Variants in TBCK observed in about 807,000 individuals in gnomAD.
TBCK encodes the protein TBC1 domain containing kinase, also known as TBC domain-containing protein kinase-like protein.
A neutral mutation model predicts 113.4 loss-of-function variants in TBCK; 99 were observed. The ratio of observed to expected loss-of-function variants is 0.87; its 90% CI spans 0.74 to 1.03. The LOEUF (loss-of-function observed/expected upper bound fraction) is 1.03, where lower values mean the gene tolerates loss of function less well. Among genes scored for constraint, TBCK ranks in the 50% least tolerant of loss-of-function variants. TBCK has a pLI of 0.00. For synonymous variants in TBCK, 369 were observed against 370.8 expected, an observed-to-expected ratio of 1.00 and a Z score of 0.05; for missense variants, 1,045 against 1,061.3, an observed-to-expected ratio of 0.98 and a Z score of 0.21.
chr4:106,205,510 A>G (rs1017861767), intron 20 of TBCK, among the ~76,000 whole-genome samples: 10 of 145,834 alleles, frequency 6.9e-5, no homozygotes, highest in Non-Finnish European at 1.3e-4. Flanking sequence ...TTGGGAGGCC[A>G]AGGCAGGTGG....
intron 25 of TBCK, among the ~76,000 whole-genome samples, chr4:106,073,774 T>A (rs1199188717): frequency 6.6e-6 from 1 of 152,132 alleles, no homozygotes; most frequent in Non-Finnish European, 1.5e-5. Flanking sequence ...CTCCACCCAG[T>A]TTGAGCTTCC....
At chr4:106,213,788 G>C (rs1756486860) in intron 19 of TBCK, 1 of 156,334 alleles carries the variant, frequency 6.4e-6, no homozygotes, top group Non-Finnish European at 1.4e-5. Flanking sequence ...GCGAGGCTGG[G>C]GGAGGGGCGC....
At chr4:106,197,411 G>GTGTGTATATA (rs35695611) in intron 20 of TBCK, among the ~76,000 whole-genome samples, 371 of 122,454 alleles carry the variant, frequency 3.0e-3, no homozygotes, top group East Asian at 5.8e-3. Context: ...GTGTGTGTGT[G>GTGTGTATATA]TATATATATA....
chr4:106,152,228 T>C (rs766048828), intron 23 of TBCK, among the ~76,000 whole-genome samples: 2 of 152,024 alleles, frequency 1.3e-5, no homozygotes, highest in Non-Finnish European at 2.9e-5. Flanking sequence ...CCGTCATGTA[T>C]GGTTTTTATT....
At chr4:106,275,866 C>T (rs1000719854) in intron 3 of TBCK, among the ~76,000 whole-genome samples, 6 of 151,956 alleles carry the variant, frequency 3.9e-5, no homozygotes, top group Non-Finnish European at 5.9e-5. Context: ...ATACATGCAA[C>T]GCAACCTCAA....
intron 25 of TBCK, among the ~76,000 whole-genome samples, chr4:106,083,725 G>A (rs973179640): frequency 6.6e-6 from 1 of 152,184 alleles, no homozygotes; most frequent in South Asian, 2.1e-4. Flanking sequence ...GGTCCCAGAA[G>A]ATGGAGCAGG....
At chr4:106,167,168 A>G (rs2149724544) in intron 23 of TBCK, among the ~76,000 whole-genome samples, 1 of 147,206 alleles carries the variant, frequency 6.8e-6, no homozygotes, top group South Asian at 2.1e-4. Flanking sequence ...ATAGAACTGT[A>G]TATATAGAAC....
intron 24 of TBCK, among the ~76,000 whole-genome samples, chr4:106,101,204 C>G (rs902171969): frequency 2.6e-5 from 4 of 152,106 alleles, no homozygotes; most frequent in Non-Finnish European, 5.9e-5. Context: ...CTGTATGGCA[C>G]TCTAGGAACT....
chr4:106,231,859 T>C (rs989024019), intron 17 of TBCK, 80 bp from the exon 18 acceptor site: 26 of 1,204,186 alleles, frequency 2.2e-5, no homozygotes, highest in Non-Finnish European at 2.4e-5. Flanking sequence ...ATTCAATTCT[T>C]TGCATTACCT....
intron 3 of TBCK, among the ~76,000 whole-genome samples, chr4:106,265,679 G>T (rs564955078): frequency 6.6e-6 from 1 of 151,826 alleles, no homozygotes; most frequent in African/African-American, 2.4e-5. Context: ...ATTCCTTTGA[G>T]TATCTCTGAG....
At chr4:106,159,055 T>C (rs773321437) in intron 23 of TBCK, among the ~76,000 whole-genome samples, 1 of 148,338 alleles carries the variant, frequency 6.7e-6, no homozygotes, top group South Asian at 2.1e-4. Context: ...AACAACCACA[T>C]GATCATCTAA....
At chr4:106,099,604 A>G (rs1284885998) in intron 24 of TBCK, among the ~76,000 whole-genome samples, 1 of 152,220 alleles carries the variant, frequency 6.6e-6, no homozygotes, top group Non-Finnish European at 1.5e-5. Flanking sequence ...TGCTAAATCT[A>G]TTGATAGTCT....
At chr4:106,245,466 G>A (rs1309850343) in intron 10 of TBCK, among the ~76,000 whole-genome samples, 3 of 152,134 alleles carry the variant, frequency 2.0e-5, no homozygotes, top group Non-Finnish European at 4.4e-5. Context: ...AAGGTATGGG[G>A]AACAGAAGCA....
chr4:106,125,114 A>G lies in TBCK; in HGVS notation c.2236-8736T>C, dbSNP rs184099703. 1.8e-4 allele frequency among the ~76,000 whole-genome samples: 28 copies of G among 152,278 alleles called. No individual in the cohort carries two copies. The East Asian group carries it at 2.7e-3, about 15-fold the overall frequency. On this transcript the variant is annotated intron_variant, in intron 23 of 25. Coordinates refer to ENST00000394708, the MANE Select transcript of TBCK (RefSeq NM_001163435.3). Reference sequence around the variant, plus strand: ...GATGTGGAGAAAGGAGAATGCTAGTACACTGTTGGTGGGAATGTAAATTAG... The same window carrying G: ...GATGTGGAGAAAGGAGAATGCTAGTGCACTGTTGGTGGGAATGTAAATTAG...
intron 7 of TBCK, 144 bp downstream of exon 7, chr4:106,250,269 TGATCA>T: frequency 2.0e-6 from 1 of 501,382 alleles, no homozygotes; most frequent in Non-Finnish European, 3.6e-6. Flanking sequence ...GCTGTTCTGC[TGATCA>T]TTACCACTGA....
At chr4:106,123,608 C>G (rs1744744131) in intron 23 of TBCK, among the ~76,000 whole-genome samples, 2 of 152,158 alleles carry the variant, frequency 1.3e-5, no homozygotes, top group Admixed American at 6.5e-5. Flanking sequence ...CATCACACTA[C>G]CTGACTTCAA....
intron 3 of TBCK, among the ~76,000 whole-genome samples, chr4:106,294,225 C>T (rs866808053): frequency 8.6e-5 from 13 of 151,350 alleles, no homozygotes; most frequent in Admixed American, 3.3e-4. Context: ...GAGTCGCGCT[C>T]TTTTGCCCAG....
chr4:106,078,741 CAA>C (rs36065351), intron 25 of TBCK, among the ~76,000 whole-genome samples: 18 of 143,296 alleles, frequency 1.3e-4, no homozygotes, highest in Admixed American at 2.8e-4. Context: ...TCTAACTATT[CAA>C]AAAAAAAAAA....
At chr4:106,149,845 G>A (rs2149678202) in intron 23 of TBCK, among the ~76,000 whole-genome samples, 1 of 152,310 alleles carries the variant, frequency 6.6e-6, no homozygotes, top group East Asian at 1.9e-4. Flanking sequence ...AAAGTGCAGT[G>A]ATGAGAAGCA....
Sources: gnomAD v4.1 joint callset for allele counts (sites outside exome capture counted in the v4.1 genomes callset) on GRCh38, gnomAD v4.1.1 for gene constraint, MANE v1.5 for transcripts, NCBI Gene and HGNC (gene_info 2026-07-23, HGNC 2026-07-21) for gene names.